INIP: variants seen among roughly 807,000 people sequenced by gnomAD.
The protein encoded by INIP is SOSS complex subunit C.
INIP carries 9 observed loss-of-function variants against 14.0 expected under a neutral mutation model. The ratio of observed to expected loss-of-function variants is 0.64; its 90% CI spans 0.39 to 1.12. The LOEUF is 1.12. Ranked by LOEUF, INIP falls within the 50% of genes most tolerant of loss-of-function variation. The pLI is 0.01. For missense variants in INIP, 78 were observed against 122.7 expected, an observed-to-expected ratio of 0.64 and a Z score of 1.72; for synonymous variants, 37 against 41.5, an observed-to-expected ratio of 0.89 and a Z score of 0.41.
intron 2 of INIP, among the ~76,000 whole-genome samples, chr9:112,715,371 A>G (rs1254331008): frequency 1.3e-5 from 2 of 152,182 alleles, no homozygotes; most frequent in Non-Finnish European, 2.9e-5. Context: ...AAATTTATTC[A>G]ATTTTTCTTT....
chr9:112,715,831 AAATTTTT>A (rs570984335), intron 2 of INIP, among the ~76,000 whole-genome samples: 2 of 152,164 alleles, frequency 1.3e-5, no homozygotes, highest in South Asian at 4.1e-4. Flanking sequence ...TCTATTTTTA[AAATTTTT>A]AATTTTTTTT....
At chr9:112,695,551 G>A (rs370185571) in intron 2 of INIP, among the ~76,000 whole-genome samples, 4 of 151,990 alleles carry the variant, frequency 2.6e-5, no homozygotes, top group African/African-American at 9.7e-5. Flanking sequence ...AGCTAAATCT[G>A]TTCTTCAATC....
At chr9:112,713,836 T>G (rs1838721240) in intron 2 of INIP, among the ~76,000 whole-genome samples, 2 of 151,912 alleles carry the variant, frequency 1.3e-5, no homozygotes, top group African/African-American at 4.8e-5. Context: ...ACAAAAAAAT[T>G]AGCCAGGCGC....
chr9:112,705,606 C>A (rs901301962), intron 2 of INIP, among the ~76,000 whole-genome samples: 8 of 152,196 alleles, frequency 5.3e-5, no homozygotes, highest in African/African-American at 1.9e-4. Flanking sequence ...CCACCACACC[C>A]AGCCTAAATG....
intron 2 of INIP, among the ~76,000 whole-genome samples, chr9:112,696,497 C>G (rs1466397343): frequency 6.6e-6 from 1 of 152,208 alleles, no homozygotes; most frequent in Non-Finnish European, 1.5e-5. Context: ...CACAAAACTT[C>G]TAACACCAAG....
Position 112,684,000 on chromosome 9 carries a change from G to A in INIP, c.*3538C>T, listed in dbSNP as rs943872117. 2 of 151,926 alleles carry A rather than the reference G, an allele frequency of 1.3e-5. No individual in the cohort carries two copies. The highest frequency in any genetic ancestry group is 2.1e-4 in the South Asian group (1 of 4,822). The allele number at this position is 151,926 out of a possible 1,614,324, so 9.4% of individuals were successfully genotyped here. ...ACTGACATCTGCATTATTTAGAAGC[G>A]GCTTTCAAAACTTTTTTTGCCATAA... is the stretch of plus-strand genomic sequence containing the variant. On this transcript the variant is annotated 3_prime_UTR_variant, in exon 5 of 5. Coordinates refer to ENST00000374242, the MANE Select transcript of INIP (RefSeq NM_021218.3).
chr9:112,691,314 T>TAGTA (rs746318547), intron 3 of INIP, among the ~76,000 whole-genome samples: 5 of 152,212 alleles, frequency 3.3e-5, no homozygotes, highest in Non-Finnish European at 7.3e-5. Flanking sequence ...ACTTTGTAAC[T>TAGTA]AGTAGATGGC....
intron 2 of INIP, among the ~76,000 whole-genome samples, chr9:112,715,295 G>A (rs1331507349): frequency 6.6e-6 from 1 of 152,138 alleles, no homozygotes; most frequent in African/African-American, 2.4e-5. Context: ...GTGAGTGAAT[G>A]TGAAAGTCTA....
chr9:112,709,285 G>C (rs1297994737), intron 2 of INIP, among the ~76,000 whole-genome samples: 2 of 152,080 alleles, frequency 1.3e-5, no homozygotes, highest in Non-Finnish European at 2.9e-5. Flanking sequence ...TAAAGATCAA[G>C]AAGAGGTCTT....
intron 2 of INIP, among the ~76,000 whole-genome samples, chr9:112,694,676 C>T (rs1838013587): frequency 1.3e-5 from 2 of 152,118 alleles, no homozygotes; most frequent in African/African-American, 2.4e-5. Flanking sequence ...TTTCTGCATG[C>T]CTTTTTCATG....
chr9:112,716,264 GT>G (rs1377510837), intron 2 of INIP, among the ~76,000 whole-genome samples, 196 bp downstream of exon 2: 2 of 152,008 alleles, frequency 1.3e-5, no homozygotes, highest in Non-Finnish European at 2.9e-5. Flanking sequence ...TAGAGACGGG[GT>G]TCCTGACCTC....
At chr9:112,701,853 C>A in intron 2 of INIP, 1 of 150,492 alleles carries the variant, frequency 6.6e-6, no homozygotes, top group South Asian at 2.0e-4. Context: ...AGTTCAAGAT[C>A]AGCCTGGGCA....
At chr9:112,715,773 CA>C (rs767866943) in intron 2 of INIP, among the ~76,000 whole-genome samples, 6,974 of 107,462 alleles carry the variant, frequency 0.065, 171 homozygotes, top group Middle Eastern at 0.15. Flanking sequence ...AATTCCATCT[CA>C]AAAAAAAAAA....
chr9:112,716,555 G>T lies in INIP; in HGVS notation c.-56-14C>A. ...CTTCACAATCACCTATAAAATATGT[G>T]TACACACATATACAATGCACCATAT... On this transcript the variant is annotated splice_polypyrimidine_tract_variant and intron_variant, in intron 1 of 4. Transcript: ENST00000374242. The T allele has an allele frequency of 1.6e-6, 2 of 1,279,648 alleles. No homozygotes were observed. Among genetic ancestry groups the T allele is most frequent in the Non-Finnish European group, 2.3e-6 (2 of 875,220 alleles). The allele number at this position is 1,279,648 out of a possible 1,614,324, so 79.3% of individuals were successfully genotyped here. A position where few individuals can be genotyped will look rare whatever the true frequency, so the allele number is the denominator to read the frequency against.
Position 112,693,555 on chromosome 9 carries a change from C to T in INIP, c.128+576G>A, listed in dbSNP as rs192233448. 1.3e-3 allele frequency among the ~76,000 whole-genome samples: 193 copies of T among 152,294 alleles called. 2 individuals are homozygous for T. The highest frequency in any genetic ancestry group is 4.5e-3 in the African/African-American group (188 of 41,548). ...CATGATTTTGAGTTATAAGGTTTCT[C>T]CCTTGTGATGTGTGCTGCATGCACT... On this transcript the variant is annotated intron_variant, in intron 3 of 4. Transcript: ENST00000374242.
chr9:112,706,627 T>G (rs1050653508), intron 2 of INIP, among the ~76,000 whole-genome samples: 4 of 152,148 alleles, frequency 2.6e-5, no homozygotes, highest in African/African-American at 9.7e-5. Flanking sequence ...AATATATAAC[T>G]TTTAACAATG....
At chr9:112,703,111 C>T (rs775974839) in intron 2 of INIP, among the ~76,000 whole-genome samples, 3 of 152,154 alleles carry the variant, frequency 2.0e-5, no homozygotes, top group Non-Finnish European at 2.9e-5. Context: ...CTCCTCCTCT[C>T]ATTTTACTTG....
At chr9:112,710,380 G>T (rs1838609112) in intron 2 of INIP, among the ~76,000 whole-genome samples, 1 of 152,114 alleles carries the variant, frequency 6.6e-6, no homozygotes, top group Non-Finnish European at 1.5e-5. Context: ...ATTTCACCAG[G>T]TCTCTCTAAA....
At chr9:112,696,795 T>C (rs1042549146) in intron 2 of INIP, among the ~76,000 whole-genome samples, 10 of 152,202 alleles carry the variant, frequency 6.6e-5, no homozygotes, top group Non-Finnish European at 1.2e-4. Context: ...ATAAAGGGTA[T>C]TACAAAGGTT....
Sources: gnomAD v4.1 joint callset for allele counts (sites outside exome capture counted in the v4.1 genomes callset) on GRCh38, gnomAD v4.1.1 for gene constraint, MANE v1.5 for transcripts, NCBI Gene and HGNC (gene_info 2026-07-23, HGNC 2026-07-21) for gene names.